Variants in PSEN1 observed in about 807,000 individuals in gnomAD.
PSEN1 encodes presenilin-1.
In PSEN1, 15 loss-of-function variants were observed where a neutral mutation model predicts 53.5. That is an observed-to-expected ratio of 0.28 (90% CI 0.19 to 0.43). The LOEUF is 0.43. Among genes scored for constraint, PSEN1 ranks in the 20% least tolerant of loss-of-function variants. PSEN1 has a pLI of 1.00. For synonymous variants in PSEN1, 208 were observed against 209.8 expected (o/e 0.99, Z 0.08); for missense variants, 387 against 571.2 (o/e 0.68, Z 3.29).
Position 73,169,073 on chromosome 14 carries a change from C to T in PSEN1, c.88-1724C>T, listed in dbSNP as rs527752957. ...GGGGGTCAAGGGAATTATCCAGTCT[C>T]ATCTCAATCCGACTTCCCTCTTCAC... On this transcript the variant is annotated intron_variant, in intron 3 of 11. Coordinates refer to ENST00000324501, the MANE Select transcript of PSEN1 (RefSeq NM_000021.4). 3.3e-5 allele frequency: 5 copies of T among 152,332 alleles called. No homozygotes were observed. In the East Asian group the frequency reaches 9.6e-4, roughly 29 times the overall value. The allele number at this position is 152,332 out of a possible 1,614,324, so 9.4% of individuals were successfully genotyped here. A position where few individuals can be genotyped will look rare whatever the true frequency, so the allele number is the denominator to read the frequency against.
At chr14:73,209,341 A>T (rs769403471) in intron 9 of PSEN1, among the ~76,000 whole-genome samples, 2 of 152,250 alleles carry the variant, frequency 1.3e-5, no homozygotes, top group African/African-American at 2.4e-5. Context: ...CAAGACCACT[A>T]GTAAACCTGA....
rs1210905462 is a variant in PSEN1 at position 73,170,688 on chromosome 14, A to G, written c.88-109A>G. 3.4e-6 allele frequency: 4 copies of G among 1,173,974 alleles called. No homozygotes were observed. The East Asian group carries it at 7.4e-5, about 22-fold the overall frequency. The allele number at this position is 1,173,974 out of a possible 1,614,324, so 72.7% of individuals were successfully genotyped here. The stretch of plus-strand genomic sequence containing the variant: ...CCTGTACATTGTTTTTTCTTGCTTC[A>G]GGTTTTTAGAACTCATAGTGACGGG... On this transcript the variant is annotated intron_variant, in intron 3 of 11. Coordinates refer to ENST00000324501, the MANE Select transcript of PSEN1 (RefSeq NM_000021.4).
chr14:73,177,094 T>TTGA (rs2140051707), intron 5 of PSEN1, among the ~76,000 whole-genome samples: 1 of 152,304 alleles, frequency 6.6e-6, no homozygotes, highest in South Asian at 2.1e-4. Flanking sequence ...TCTTCCTACT[T>TTGA]TGGTCCTTTT....
At chr14:73,169,839 T>C (rs1050569300) in intron 3 of PSEN1, among the ~76,000 whole-genome samples, 1 of 152,074 alleles carries the variant, frequency 6.6e-6, no homozygotes, top group Admixed American at 6.6e-5. Flanking sequence ...AGAGACGGGG[T>C]TTCACCATGT....
At chr14:73,207,901 T>G (rs1446561524) in intron 9 of PSEN1, among the ~76,000 whole-genome samples, 1 of 152,246 alleles carries the variant, frequency 6.6e-6, no homozygotes. Flanking sequence ...CCTCAGGTAC[T>G]AGCTCCCTGC....
chr14:73,141,656 G>GCA (rs1896929710), intron 1 of PSEN1, among the ~76,000 whole-genome samples: 1 of 152,118 alleles, frequency 6.6e-6, no homozygotes, highest in Non-Finnish European at 1.5e-5. Flanking sequence ...ATGGTGGTGG[G>GCA]CGTCTGTAAT....
chr14:73,210,283 A>G (rs575111367), intron 9 of PSEN1, among the ~76,000 whole-genome samples: 56 of 152,360 alleles, frequency 3.7e-4, no homozygotes, highest in African/African-American at 1.3e-3. Flanking sequence ...CAAAAAAGCA[A>G]ATGTAATTAT....
intron 1 of PSEN1, among the ~76,000 whole-genome samples, chr14:73,137,493 C>T: frequency 6.6e-6 from 1 of 152,160 alleles, no homozygotes; most frequent in Non-Finnish European, 1.5e-5. Flanking sequence ...GAGCTGAAAA[C>T]AGGAATCAAT....
In PSEN1 at chr14:73,222,119, G is replaced by A. The variant is rs1030170110; in HGVS notation, c.*2830G>A. 1 of 152,100 alleles carries A rather than the reference G, an allele frequency of 6.6e-6. No homozygotes were observed. Among genetic ancestry groups the A allele is most frequent in the Admixed American group, 6.5e-5 (1 of 15,278 alleles). 9.4% of individuals were successfully genotyped at this position (152,100 alleles called of 1,614,324 possible). On this transcript the variant is annotated 3_prime_UTR_variant, in exon 12 of 12. Coordinates refer to ENST00000324501, the MANE Select transcript of PSEN1 (RefSeq NM_000021.4). ...AGGAAAGACTCACCTTCCTGTTTTT[G>A]GTTCTCAGTAGGTTCGTGTGTGTTC...
rs569321656 is a variant in PSEN1 at position 73,182,884 on chromosome 14, TCTC to T, written c.481-3966_481-3964del. 2.1e-3 allele frequency among the ~76,000 whole-genome samples: 326 copies of T among 152,112 alleles called. 3 individuals are homozygous for T. Among genetic ancestry groups the T allele is most frequent in the African/African-American group, 7.6e-3 (317 of 41,488 alleles). On this transcript the variant is annotated intron_variant, in intron 5 of 11. Transcript: ENST00000324501. ...TTAAAAAAAGAAATAAATAAGAACA[TCTC>T]CTTCTTCCTTTGCCAAAAAACCGAG...
intron 3 of PSEN1, among the ~76,000 whole-genome samples, chr14:73,164,327 A>T (rs879725950): frequency 6.6e-6 from 1 of 152,170 alleles, no homozygotes; most frequent in Non-Finnish European, 1.5e-5. Context: ...AGTGCCGACG[A>T]TTTTCTATTG....
chr14:73,186,196 A>G (rs1898503646), intron 5 of PSEN1, among the ~76,000 whole-genome samples: 1 of 152,182 alleles, frequency 6.6e-6, no homozygotes, highest in African/African-American at 2.4e-5. Context: ...CCTGACCAAC[A>G]TGGAGAAACT....
chr14:73,184,140 G>C (rs1898346849), intron 5 of PSEN1, among the ~76,000 whole-genome samples: 1 of 114,426 alleles, frequency 8.7e-6, no homozygotes. Flanking sequence ...CAGGGCGGCT[G>C]GCCGGCCGGG....
At position 73,193,654 on chromosome 14, in the gene PSEN1, A is replaced by G. The variant is rs564310984; in HGVS notation, c.769+790A>G. 5.3e-5 allele frequency among the ~76,000 whole-genome samples: 8 copies of G among 151,476 alleles called. No individual in the cohort carries two copies. The East Asian group carries it at 1.6e-3, about 30-fold the overall frequency. The stretch of plus-strand genomic sequence containing the variant: ...ATTTTTTTCCTTTATATCTTACTGC[A>G]GAAGCTTTTTTCTTTTTTTTGAGAC... On this transcript the variant is annotated intron_variant, in intron 7 of 11. Coordinates refer to ENST00000324501, the MANE Select transcript of PSEN1 (RefSeq NM_000021.4).
intron 1 of PSEN1, chr14:73,137,128 C>G (rs45511501): frequency 2.0e-5 from 3 of 152,680 alleles, no homozygotes; most frequent in Non-Finnish European, 4.4e-5. Flanking sequence ...CTCTCAGATT[C>G]TTCTCACCGT....
chr14:73,152,426 C>A (rs1394141455), intron 3 of PSEN1, among the ~76,000 whole-genome samples: 34 of 148,500 alleles, frequency 2.3e-4, no homozygotes, highest in Non-Finnish European at 4.7e-4. Flanking sequence ...ATGGTGAAAC[C>A]CCATTTCTAC....
chr14:73,168,972 C>G (rs953262950), intron 3 of PSEN1: 2 of 152,284 alleles, frequency 1.3e-5, no homozygotes, highest in Non-Finnish European at 2.9e-5. Context: ...CACTCACTCA[C>G]TCGCTTGCAC....
At chr14:73,214,004 CAT>C (rs1455853934) in intron 10 of PSEN1, among the ~76,000 whole-genome samples, 1 of 152,120 alleles carries the variant, frequency 6.6e-6, no homozygotes, top group East Asian at 1.9e-4. Context: ...AATTTTAAAA[CAT>C]ATGTCAACAC....
intron 10 of PSEN1, among the ~76,000 whole-genome samples, chr14:73,212,572 C>A (rs1340936648): frequency 1.3e-5 from 2 of 152,168 alleles, no homozygotes; most frequent in African/African-American, 2.4e-5. Context: ...GTAGAGAGAT[C>A]TGTGGATTTG....
Sources: gnomAD v4.1 joint callset for allele counts (sites outside exome capture counted in the v4.1 genomes callset) on GRCh38, gnomAD v4.1.1 for gene constraint, MANE v1.5 for transcripts, NCBI Gene and HGNC (gene_info 2026-07-23, HGNC 2026-07-21) for gene names.